The following TATDN2 variants were observed in gnomAD, a reference collection of about 807,000 sequenced individuals.
TATDN2 encodes the protein TatD DNase domain containing 2, also known as 3'-5' RNA nuclease TATDN2.
In TATDN2, 44 loss-of-function variants were observed where a neutral mutation model predicts 60.3. The observed-to-expected ratio is 0.73, with a 90% CI of 0.57 to 0.94. The LOEUF (loss-of-function observed/expected upper bound fraction) is 0.94. Ranked by LOEUF, TATDN2 falls within the 40% of genes least tolerant of loss-of-function variation. The pLI is 0.00. For missense variants in TATDN2, 997 were observed against 948.0 expected, an observed-to-expected ratio of 1.05 and a Z score of -0.68; for synonymous variants, 399 against 355.8, an observed-to-expected ratio of 1.12 and a Z score of -1.37.
chr3:10,263,584 C>T (rs1698437645), intron 3 of TATDN2, among the ~76,000 whole-genome samples: 1 of 152,146 alleles, frequency 6.6e-6, no homozygotes, highest in African/African-American at 2.4e-5. Flanking sequence ...TTTCTACTGT[C>T]ATGCTTTTTA....
intron 4 of TATDN2, among the ~76,000 whole-genome samples, chr3:10,273,718 T>C (rs762646809): frequency 1.6e-4 from 24 of 151,972 alleles, no homozygotes; most frequent in Admixed American, 3.9e-4. Context: ...GATTGGAAAA[T>C]AGAGAAAAGC....
intron 3 of TATDN2, among the ~76,000 whole-genome samples, chr3:10,262,430 A>G (rs942295223): frequency 1.4e-4 from 20 of 148,068 alleles, no homozygotes; most frequent in African/African-American, 3.5e-4. Flanking sequence ...CCTTTATTTT[A>G]CCTTTAACCT....
intron 2 of TATDN2, among the ~76,000 whole-genome samples, chr3:10,256,604 T>C (rs910912793): frequency 3.9e-5 from 6 of 152,140 alleles, no homozygotes; most frequent in African/African-American, 1.4e-4. Context: ...CTGGTTTTAC[T>C]TGAAAGAAAC....
intron 3 of TATDN2, among the ~76,000 whole-genome samples, chr3:10,265,636 T>G (rs968507282): frequency 7.0e-6 from 1 of 142,304 alleles, no homozygotes; most frequent in Non-Finnish European, 1.5e-5. Flanking sequence ...GAGCTGAGAT[T>G]GCACCACTGC....
intron 2 of TATDN2, among the ~76,000 whole-genome samples, chr3:10,256,720 C>T (rs557139123): frequency 2.4e-4 from 36 of 152,136 alleles, no homozygotes; most frequent in Non-Finnish European, 3.7e-4. Context: ...GCAGATCTCA[C>T]CCTCTGTGTT....
intron 4 of TATDN2, among the ~76,000 whole-genome samples, chr3:10,272,215 C>T (rs1001330343): frequency 2.6e-5 from 4 of 151,976 alleles, no homozygotes; most frequent in African/African-American, 9.7e-5. Context: ...AGTGATCCTC[C>T]CACCTCAGCC....
At chr3:10,258,844 T>A (rs1038870221) in intron 2 of TATDN2, among the ~76,000 whole-genome samples, 2 of 151,830 alleles carry the variant, frequency 1.3e-5, no homozygotes, top group African/African-American at 4.8e-5. Context: ...TTTAGACTTG[T>A]TTGCGAATAT....
chr3:10,266,803 T>A (rs190303772), intron 3 of TATDN2, among the ~76,000 whole-genome samples: 36 of 152,334 alleles, frequency 2.4e-4, no homozygotes, highest in Admixed American at 1.3e-3. Flanking sequence ...CTAGAAATGT[T>A]CTTGTGGGCT....
intron 2 of TATDN2, among the ~76,000 whole-genome samples, chr3:10,259,545 G>A (rs1172072573): frequency 6.6e-6 from 1 of 152,252 alleles, no homozygotes; most frequent in Non-Finnish European, 1.5e-5. Context: ...GAGGAGGTTT[G>A]TTGTTGGGAG....
intron 5 of TATDN2, among the ~76,000 whole-genome samples, chr3:10,277,924 GT>G (rs1698662280): frequency 6.6e-6 from 1 of 152,132 alleles, no homozygotes; most frequent in Non-Finnish European, 1.5e-5. Flanking sequence ...CTTGGGCATA[GT>G]TTTTATATGC....
Position 10,278,905 on chromosome 3 carries a change from G to A in TATDN2, c.2166G>A (p.Gln722=). Residue 722 remains glutamine, a synonymous_variant, in exon 7 of 8, where the codon CAG becomes CAA. Coordinates refer to ENST00000448281, the MANE Select transcript of TATDN2 (RefSeq NM_014760.4). The surrounding 1 kb of genome is among the most constrained non-coding windows in gnomAD (Gnocchi z 4.7). ...TCCAGGTTCCCAAAAGCCTTTGCCA[G>A]TATGCCCACCCGGGCCTGGCCTTGC... ...LPRQVPKSLC[Q]YAHPGLALHT... The A allele has an allele frequency of 6.2e-7, 1 of 1,613,636 alleles. No individual in the cohort carries two copies.
At chr3:10,263,999 C>T (rs755719472) in intron 3 of TATDN2, among the ~76,000 whole-genome samples, 5 of 152,092 alleles carry the variant, frequency 3.3e-5, no homozygotes, top group Admixed American at 2.0e-4. Context: ...GCGAAAGGGG[C>T]GGCTGCGGGG....
In TATDN2 at chr3:10,260,122, T is replaced by TC; in HGVS notation, c.415-15_415-14insC. The TC allele has an allele frequency of 6.6e-7, 1 of 1,517,386 alleles. No homozygotes were observed. The highest frequency in any genetic ancestry group is 9.0e-7 in the Non-Finnish European group (1 of 1,116,786). The allele number at this position is 1,517,386 out of a possible 1,614,324, so 94.0% of individuals were successfully genotyped here. ...CCTTGGAACAGCCCTTTCAATTCTG[T>TC]TTTTTTTTTCCCAGGTTGATTCCAA... On this transcript the variant is annotated splice_polypyrimidine_tract_variant and intron_variant, in intron 2 of 7. Coordinates refer to ENST00000448281, the MANE Select transcript of TATDN2 (RefSeq NM_014760.4).
In TATDN2 at chr3:10,270,679, T is replaced by C; in HGVS notation, c.1497T>C (p.His499=). The change falls in exon 4 of 8, where the codon CAT becomes CAC. Residue 499 remains histidine (H), a synonymous_variant. Transcript: ENST00000448281. ...PSLEEGFIDT[H]CHLDMLYSKL... ...TAGAGGAGGGCTTCATTGACACTCA[T>C]TGTCACCTGGACATGCTCTATTCCA... The C allele has an allele frequency of 6.2e-7, 1 of 1,614,212 alleles. No homozygotes were observed. The highest frequency in any genetic ancestry group is 2.2e-5 in the East Asian group (1 of 44,894).
At chr3:10,273,382 G>C (rs1698593531) in intron 4 of TATDN2, among the ~76,000 whole-genome samples, 1 of 152,204 alleles carries the variant, frequency 6.6e-6, no homozygotes, top group Non-Finnish European at 1.5e-5. Flanking sequence ...TGTCAGTGCT[G>C]AGTTGCATTT....
chr3:10,270,828 A>G lies in TATDN2; in HGVS notation c.1646A>G (p.Glu549Gly). ...DPRTLTDCLWEELLKEDLVWG... is the reference protein window; with the variant it reads ...DPRTLTDCLWGELLKEDLVWG... The stretch of plus-strand genomic sequence containing the variant: ...CGCACCCTGACAGATTGCCTATGGG[A>G]GGAGCTGTTGAAAGAGGATCTGGTC... Residue 549 changes from glutamate (E) to glycine (G), a missense_variant, in exon 4 of 8, where the codon GAG (glutamate) becomes GGG (glycine). Physicochemically the swap from Glu to Gly is moderately conservative, Grantham distance 98. Coordinates refer to ENST00000448281, the MANE Select transcript of TATDN2 (RefSeq NM_014760.4). The G allele has an allele frequency of 6.2e-7, 1 of 1,614,154 alleles. No individual in the cohort carries two copies. Among genetic ancestry groups the G allele is most frequent in the Non-Finnish European group, 8.5e-7 (1 of 1,180,022 alleles).
At chr3:10,263,052 C>G (rs1454490996) in intron 3 of TATDN2, among the ~76,000 whole-genome samples, 2 of 152,158 alleles carry the variant, frequency 1.3e-5, no homozygotes, top group Admixed American at 6.5e-5. Flanking sequence ...AGGCATGTGC[C>G]ACCACACCCG....
chr3:10,268,720 G>A (rs183855248), intron 3 of TATDN2, among the ~76,000 whole-genome samples: 1 of 152,310 alleles, frequency 6.6e-6, no homozygotes, highest in Admixed American at 6.5e-5. Context: ...GTGATGCTAA[G>A]TTGAGGCACC....
intron 2 of TATDN2, among the ~76,000 whole-genome samples, chr3:10,254,994 T>C (rs369101969): frequency 5.1e-4 from 65 of 127,332 alleles, no homozygotes; most frequent in African/African-American, 2.0e-3. Flanking sequence ...CCTTCCCCCT[T>C]CCTCCTTCCC....
Sources: gnomAD v4.1 joint callset for allele counts (sites outside exome capture counted in the v4.1 genomes callset) on GRCh38, gnomAD v4.1.1 for gene constraint, Gnocchi (gnomAD v3.1) non-coding constraint, MANE v1.5 for transcripts, NCBI Gene and HGNC (gene_info 2026-07-23, HGNC 2026-07-21) for gene names.